Variants in KIAA0825 observed in about 807,000 individuals in gnomAD.
The protein encoded by KIAA0825 is KIAA0825, also known as uncharacterized protein KIAA0825.
In KIAA0825, 119 loss-of-function variants were observed where a neutral mutation model predicts 147.6. The ratio of observed to expected loss-of-function variants is 0.81; its 90% CI spans 0.69 to 0.94. The LOEUF (loss-of-function observed/expected upper bound fraction) is 0.94. KIAA0825 is among the 40% of genes least tolerant of loss of function. The probability of loss-of-function intolerance (pLI) is 0.00; values close to 1 mark genes in which losing one functional copy is unlikely to be tolerated. For missense variants in KIAA0825, 1,381 were observed against 1,472.7 expected (o/e 0.94, Z 1.02); for synonymous variants, 470 against 518.1 (o/e 0.91, Z 1.26).
intron 20 of KIAA0825, among the ~76,000 whole-genome samples, chr5:94,360,330 A>G (rs997450085): frequency 6.6e-6 from 1 of 152,066 alleles, no homozygotes; most frequent in Non-Finnish European, 1.5e-5. Context: ...ACAGTCTTCT[A>G]CAAGTTTGGT....
chr5:94,352,310 A>G (rs944629619), intron 20 of KIAA0825, among the ~76,000 whole-genome samples: 1 of 152,232 alleles, frequency 6.6e-6, no homozygotes. Context: ...CAACAAACAT[A>G]TGAGAAAATG....
chr5:94,304,549 C>T (rs1293409393), intron 20 of KIAA0825, among the ~76,000 whole-genome samples: 3 of 151,988 alleles, frequency 2.0e-5, no homozygotes, highest in Non-Finnish European at 4.4e-5. Flanking sequence ...ATTATTTCCC[C>T]TTTCACCACA....
At chr5:94,551,396 T>C (rs1775512772) in intron 2 of KIAA0825, among the ~76,000 whole-genome samples, 1 of 151,652 alleles carries the variant, frequency 6.6e-6, no homozygotes, top group African/African-American at 2.4e-5. Flanking sequence ...TTCAAACAGA[T>C]CCTCCCTGAG....
At chr5:94,236,399 C>A (rs1775040611) in intron 20 of KIAA0825, among the ~76,000 whole-genome samples, 1 of 152,194 alleles carries the variant, frequency 6.6e-6, no homozygotes, top group Non-Finnish European at 1.5e-5. Context: ...TTGCTGCAAT[C>A]TCATGATAAA....
At chr5:94,277,750 A>C (rs899854253) in intron 20 of KIAA0825, among the ~76,000 whole-genome samples, 9 of 152,198 alleles carry the variant, frequency 5.9e-5, no homozygotes, top group African/African-American at 2.2e-4. Flanking sequence ...TCAACCCACC[A>C]ATCCCATTAC....
chr5:94,219,140 C>A (rs1773462444), intron 20 of KIAA0825, among the ~76,000 whole-genome samples: 1 of 152,024 alleles, frequency 6.6e-6, no homozygotes, highest in African/African-American at 2.4e-5. Flanking sequence ...CATTTATTGG[C>A]ACTTTATTTC....
intron 15 of KIAA0825, among the ~76,000 whole-genome samples, chr5:94,408,279 G>A (rs1752323678): frequency 6.6e-6 from 1 of 152,098 alleles, no homozygotes. Flanking sequence ...AGGACTGGGT[G>A]GGATTTCCAA....
intron 20 of KIAA0825, among the ~76,000 whole-genome samples, chr5:94,377,115 A>T (rs528118002): frequency 1.3e-5 from 2 of 152,302 alleles, no homozygotes; most frequent in East Asian, 3.9e-4. Context: ...CCACAGATCA[A>T]TGCCTCTTTT....
chr5:94,287,160 C>A (rs746691972), intron 20 of KIAA0825, among the ~76,000 whole-genome samples: 17 of 152,106 alleles, frequency 1.1e-4, no homozygotes, highest in Non-Finnish European at 2.2e-4. Flanking sequence ...AACACCAGTG[C>A]CTGGTGAATA....
chr5:94,341,331 C>T (rs1036801426), intron 20 of KIAA0825, among the ~76,000 whole-genome samples: 10 of 152,124 alleles, frequency 6.6e-5, no homozygotes, highest in African/African-American at 1.7e-4. Flanking sequence ...CTAACAAAAC[C>T]GTCACACTTT....
chr5:94,429,909 C>A (rs1755436865), intron 14 of KIAA0825, among the ~76,000 whole-genome samples: 1 of 152,264 alleles, frequency 6.6e-6, no homozygotes, highest in Admixed American at 6.5e-5. Flanking sequence ...TGGAGCTCTG[C>A]CTGGGCGTGA....
chr5:94,529,322 GTATA>G (rs1561268627), intron 3 of KIAA0825, among the ~76,000 whole-genome samples: 6 of 138,972 alleles, frequency 4.3e-5, no homozygotes, highest in African/African-American at 8.2e-5. Context: ...TCATATATAT[GTATA>G]TATCATATAT....
chr5:94,487,097 C>T (rs985331850), intron 5 of KIAA0825, among the ~76,000 whole-genome samples: 1 of 152,082 alleles, frequency 6.6e-6, no homozygotes, highest in Non-Finnish European at 1.5e-5. Flanking sequence ...GACAATTATG[C>T]GAGGTCTGAG....
intron 5 of KIAA0825, among the ~76,000 whole-genome samples, chr5:94,490,222 A>G (rs750594192): frequency 1.2e-4 from 18 of 152,218 alleles, no homozygotes; most frequent in Non-Finnish European, 2.5e-4. Flanking sequence ...GCATAATCTC[A>G]TACAAAGTAG....
At chr5:94,487,953 AAAAACAAAAC>A (rs997792416) in intron 5 of KIAA0825, among the ~76,000 whole-genome samples, 6 of 152,104 alleles carry the variant, frequency 3.9e-5, no homozygotes, top group African/African-American at 7.2e-5. Context: ...ACCCTGTCTC[AAAAACAAAAC>A]AAAACAAAAC....
intron 20 of KIAA0825, among the ~76,000 whole-genome samples, chr5:94,271,127 T>C (rs1776962685): frequency 6.6e-6 from 1 of 151,986 alleles, no homozygotes; most frequent in Non-Finnish European, 1.5e-5. Context: ...ACAAATCACA[T>C]CAAAATGGAC....
chr5:94,320,449 C>G (rs1780056709), intron 20 of KIAA0825, among the ~76,000 whole-genome samples: 1 of 151,852 alleles, frequency 6.6e-6, no homozygotes, highest in Non-Finnish European at 1.5e-5. Context: ...TATGTTTGTA[C>G]CCATTGACCA....
In KIAA0825 at chr5:94,503,088, G is replaced by GAT. The variant is rs1008313946; in HGVS notation, c.970+17158_970+17159dup. Among the ~76,000 whole-genome samples, 36 of 142,450 alleles carry GAT rather than the reference G, an allele frequency of 2.5e-4. 1 individual carries two copies. Among genetic ancestry groups the GAT allele is most frequent in the South Asian group, 1.1e-3 (5 of 4,582 alleles). 93.5% of individuals were successfully genotyped at this position (142,450 alleles called of 152,430 possible). On this transcript the variant is annotated intron_variant, in intron 5 of 20. Transcript: ENST00000682413. ...CTCAAAAAAAAATATATATATATAT[G>GAT]ATATATATATATATAAAATTAGCAT...
chr5:94,388,834 G>C (rs1241926199), intron 18 of KIAA0825, among the ~76,000 whole-genome samples: 1 of 152,078 alleles, frequency 6.6e-6, no homozygotes, highest in Non-Finnish European at 1.5e-5. Flanking sequence ...ATTCTTTCTT[G>C]AACACCTTCC....
Sources: allele counts gnomAD v4.1 joint callset (sites outside exome capture counted in the v4.1 genomes callset), GRCh38; gene constraint gnomAD v4.1.1; transcripts MANE v1.5; gene names NCBI Gene and HGNC (gene_info 2026-07-23, HGNC 2026-07-21).